The following EXTL3 variants were observed in gnomAD, a reference collection of about 807,000 sequenced individuals.
EXTL3 encodes exostosin-like 3.
A neutral mutation model predicts 69.3 loss-of-function variants in EXTL3; 27 were observed. The ratio of observed to expected loss-of-function variants is 0.39; its 90% CI spans 0.29 to 0.54. EXTL3 has a LOEUF of 0.54. Ranked by LOEUF, EXTL3 falls within the 20% of genes least tolerant of loss-of-function variation. EXTL3 has a pLI of 0.69. For synonymous variants in EXTL3, 511 were observed against 499.4 expected (o/e 1.02, Z -0.31); for missense variants, 1,003 against 1,231.8 (o/e 0.81, Z 2.78).
intron 1 of EXTL3, chr8:28,637,439 T>G (rs1276706386): frequency 6.6e-6 from 1 of 152,342 alleles, no homozygotes; most frequent in Non-Finnish European, 1.5e-5. Context: ...AGTAAGTTTT[T>G]CTCTCTTTCT....
At chr8:28,695,190 C>G (rs867564632) in intron 1 of EXTL3, among the ~76,000 whole-genome samples, 1 of 144,988 alleles carries the variant, frequency 6.9e-6, no homozygotes. Flanking sequence ...AGTGCAGTGG[C>G]GGCATCTTGG....
intron 1 of EXTL3, among the ~76,000 whole-genome samples, chr8:28,702,537 A>G (rs1248502525): frequency 6.6e-6 from 1 of 151,826 alleles, no homozygotes; most frequent in Non-Finnish European, 1.5e-5. Context: ...GAAGACTTAA[A>G]TTTTGTGGAT....
At chr8:28,611,181 G>A (rs867983108) in intron 2 of EXTL3, among the ~76,000 whole-genome samples, 3 of 152,190 alleles carry the variant, frequency 2.0e-5, no homozygotes, top group African/African-American at 7.2e-5. Context: ...GGGTGCAGTG[G>A]CTCAGGCCTG....
chr8:28,690,447 G>A (rs1340639910), intron 1 of EXTL3, among the ~76,000 whole-genome samples: 1 of 152,080 alleles, frequency 6.6e-6, no homozygotes, highest in African/African-American at 2.4e-5. Flanking sequence ...TGGCTTAGCT[G>A]GGTGTTTTTT....
Position 28,717,968 on chromosome 8 carries a change from C to A in EXTL3, c.1909C>A (p.Arg637=). Residue 637 remains arginine, a synonymous_variant, in exon 3 of 7, where the codon CGG becomes AGG. Transcript: ENST00000220562. This position sits in a 1 kb window ranked among gnomAD's most constrained non-coding sequence, Gnocchi z 8.3. ...AKFLGSGTGF[R]PIGGGAGGSG... is the part of the protein sequence containing the mutation. Reference sequence around the variant, plus strand: ...ATTCTTGGGCTCAGGGACTGGCTTTCGGCCTATTGGTGGTGGAGCTGGGGG... The same window carrying A: ...ATTCTTGGGCTCAGGGACTGGCTTTAGGCCTATTGGTGGTGGAGCTGGGGG... The A allele has an allele frequency of 6.2e-7, 1 of 1,614,128 alleles. No individual in the cohort carries two copies. Among genetic ancestry groups the A allele is most frequent in the East Asian group, 2.2e-5 (1 of 44,884 alleles).
At chr8:28,737,454 G>A in intron 4 of EXTL3, 65 bp from the exon 5 acceptor site, 1 of 1,580,922 alleles carries the variant, frequency 6.3e-7, no homozygotes, top group Non-Finnish European at 8.7e-7. Context: ...GGCAATAACT[G>A]TGAACACTTC....
intron 2 of EXTL3, among the ~76,000 whole-genome samples, chr8:28,715,234 G>A (rs1367769717): frequency 6.6e-6 from 1 of 152,310 alleles, no homozygotes; most frequent in Admixed American, 6.5e-5. Context: ...TAAAGATGAT[G>A]CCCAGGTGTG....
At chr8:28,737,722 A>G (rs946336411) in intron 5 of EXTL3, 59 bp downstream of exon 5, 3 of 1,571,776 alleles carry the variant, frequency 1.9e-6, no homozygotes, top group East Asian at 4.5e-5. Flanking sequence ...TTTGTGTGGT[A>G]GCGGAATGCT....
chr8:28,731,466 G>A, intron 4 of EXTL3, 116 bp downstream of exon 4: 2 of 1,075,940 alleles, frequency 1.9e-6, no homozygotes, highest in Non-Finnish European at 2.8e-6. Context: ...AGATAGTCAG[G>A]GCTGATGTAG....
At chr8:28,712,722 A>C (rs1801055715) in intron 1 of EXTL3, among the ~76,000 whole-genome samples, 1 of 152,212 alleles carries the variant, frequency 6.6e-6, no homozygotes, top group Non-Finnish European at 1.5e-5. Context: ...GGCTCCAGTA[A>C]AAGAGATGGG....
At position 28,751,089 on chromosome 8, in the gene EXTL3, C is replaced by T; in HGVS notation, c.*223C>T. On this transcript the variant is annotated 3_prime_UTR_variant, in exon 7 of 7. Coordinates refer to ENST00000220562, the MANE Select transcript of EXTL3 (RefSeq NM_001440.4). ...AGTCCCCGGGGTTCCCCACACAGGG[C>T]ACTGACTGATAGCTTACACTGAGGA... 1 of 574,802 alleles carries T rather than the reference C, an allele frequency of 1.7e-6. No homozygotes were observed. The highest frequency in any genetic ancestry group is 3.1e-6 in the Non-Finnish European group (1 of 320,454). 35.6% of individuals were successfully genotyped at this position (574,802 alleles called of 1,614,324 possible). A position where few individuals can be genotyped will look rare whatever the true frequency, so the allele number is the denominator to read the frequency against.
intron 2 of EXTL3, among the ~76,000 whole-genome samples, chr8:28,616,501 C>G (rs998557009): frequency 6.6e-6 from 1 of 152,160 alleles, no homozygotes; most frequent in African/African-American, 2.4e-5. Flanking sequence ...GTGGCGGGCG[C>G]CTGCAGTCCC....
At position 28,717,005 on chromosome 8, in the gene EXTL3, G is replaced by C; in HGVS notation, c.946G>C (p.Val316Leu). Residue 316 changes from valine (V) to leucine (L), a missense_variant, in exon 3 of 7, where the codon GTA becomes CTA. Around this residue, in one of 2 missense-constraint regions of EXTL3, gnomAD observed 742 missense variants for 815.4 expected, o/e 0.91. Transcript: ENST00000220562. The surrounding 1 kb of genome is among the most constrained non-coding windows in gnomAD (Gnocchi z 8.3). ...GTACAGACCTGGCTTTGACTTGGTC[G>C]TATCACCGCTGGTCCATGCCATGTC... Reference protein sequence around the residue: ...VQYRPGFDLVVSPLVHAMSEP... With the variant: ...VQYRPGFDLVLSPLVHAMSEP... 6.2e-7 allele frequency: 1 copy of C among 1,614,200 alleles called. No homozygotes were observed. The highest frequency in any genetic ancestry group is 8.5e-7 in the Non-Finnish European group (1 of 1,180,046).
chr8:28,647,927 G>A (rs1344825933), intron 1 of EXTL3, among the ~76,000 whole-genome samples: 1 of 146,774 alleles, frequency 6.8e-6, no homozygotes, highest in Non-Finnish European at 1.5e-5. Context: ...GGCACTAGAT[G>A]GGTTGGGGGT....
chr8:28,656,849 G>T (rs1369144819), intron 1 of EXTL3, among the ~76,000 whole-genome samples: 2 of 152,060 alleles, frequency 1.3e-5, no homozygotes, highest in Non-Finnish European at 2.9e-5. Flanking sequence ...ATTATTTGTT[G>T]TTTCTGAGAT....
intron 3 of EXTL3, among the ~76,000 whole-genome samples, chr8:28,724,763 G>A (rs1462605748): frequency 2.6e-5 from 4 of 152,180 alleles, no homozygotes; most frequent in African/African-American, 9.7e-5. Context: ...TCGTGCCACT[G>A]CACTCTAGTC....
rs116354842 is a variant in EXTL3, at chr8:28,723,411, G to A, written c.2148+5204G>A. Among the ~76,000 whole-genome samples the A allele has an allele frequency of 3.0e-3, 459 of 152,214 alleles. 2 individuals are homozygous for A. Among genetic ancestry groups the A allele is most frequent in the African/African-American group, 0.011 (444 of 41,534 alleles). On this transcript the variant is annotated intron_variant, in intron 3 of 6. Coordinates refer to ENST00000220562, the MANE Select transcript of EXTL3 (RefSeq NM_001440.4). ...AAATTATATAAAACAAGGCTACCCC[G>A]AACCAAAAATGAATACTAAGAAATA...
At chr8:28,630,854 G>T (rs533194179) in intron 1 of EXTL3, among the ~76,000 whole-genome samples, 1 of 152,182 alleles carries the variant, frequency 6.6e-6, no homozygotes, top group African/African-American at 2.4e-5. Context: ...AAGAAAGAAG[G>T]TATATCAGGA....
rs528558589 is a variant in EXTL3 at position 28,658,201 on chromosome 8, G to A, written c.-53+35391G>A. On this transcript the variant is annotated intron_variant, in intron 1 of 6. Coordinates refer to the EXTL3 transcript ENST00000523149. ...GGCATATGCTTGACACCGGACGGTG[G>A]GTGGGGGGGGTCCCTCAGAAACCAA... Among the ~76,000 whole-genome samples, 5 of 134,012 alleles carry A rather than the reference G, an allele frequency of 3.7e-5. No homozygotes were observed. In the South Asian group the frequency reaches 1.2e-3, roughly 32 times the overall value. The allele number at this position is 134,012 out of a possible 152,430, so 87.9% of individuals were successfully genotyped here.
Sources: gnomAD v4.1 joint callset for allele counts (sites outside exome capture counted in the v4.1 genomes callset) on GRCh38, gnomAD v4.1.1 for gene constraint, gnomAD v4.1.1 regional missense constraint, Gnocchi (gnomAD v3.1) non-coding constraint, MANE v1.5 for transcripts, NCBI Gene and HGNC (gene_info 2026-07-23, HGNC 2026-07-21) for gene names.